Variants in ADCY2 observed in about 807,000 individuals in gnomAD.
ADCY2 encodes adenylate cyclase type 2.
ADCY2 carries 31 observed loss-of-function variants against 125.2 expected under a neutral mutation model. That is an observed-to-expected ratio of 0.25 (90% CI 0.19 to 0.33). The LOEUF is 0.33. ADCY2 is among the 10% of genes least tolerant of loss of function. ADCY2 has a pLI of 1.00. For missense variants in ADCY2, 904 were observed against 1,418.2 expected (o/e 0.64, Z 5.82); for synonymous variants, 512 against 548.4 (o/e 0.93, Z 0.93).
chr5:7,453,773 G>A (rs73046310), intron 2 of ADCY2, among the ~76,000 whole-genome samples: 5,590 of 152,170 alleles, frequency 0.037, 338 homozygotes, highest in African/African-American at 0.13. Flanking sequence ...ATGCACAGTG[G>A]CCTGCCAGCT....
At position 7,478,297 on chromosome 5, in the gene ADCY2, A is replaced by G. The variant is rs186161910; in HGVS notation, c.409-42441A>G. ...AAGGATCTGGGTTCTGCTAAAACAA[A>G]CATGTAAACTAATGTGGCCATTAAC... On this transcript the variant is annotated intron_variant, in intron 2 of 24. Transcript: ENST00000338316. Among the ~76,000 whole-genome samples the G allele has an allele frequency of 2.0e-5, 3 of 152,318 alleles. No individual in the cohort carries two copies. In the East Asian group the frequency reaches 5.8e-4, roughly 29 times the overall value.
At chr5:7,726,671 C>T (rs1213019800) in intron 13 of ADCY2, among the ~76,000 whole-genome samples, 1 of 152,166 alleles carries the variant, frequency 6.6e-6, no homozygotes, top group Non-Finnish European at 1.5e-5. Context: ...AGTCTTATAA[C>T]TTTACCCATC....
At chr5:7,732,701 A>C (rs1221408119) in intron 14 of ADCY2, among the ~76,000 whole-genome samples, 1 of 120,620 alleles carries the variant, frequency 8.3e-6, no homozygotes, top group Non-Finnish European at 1.7e-5. Context: ...TTTCTGGTAA[A>C]TTGCCTCATG....
intron 2 of ADCY2, among the ~76,000 whole-genome samples, chr5:7,466,796 A>G (rs1742136534): frequency 6.6e-6 from 1 of 152,220 alleles, no homozygotes; most frequent in African/African-American, 2.4e-5. Flanking sequence ...AATAATAGCA[A>G]GTAACAAGCA....
chr5:7,785,341 G>A (rs190439245), intron 19 of ADCY2, among the ~76,000 whole-genome samples: 6 of 152,254 alleles, frequency 3.9e-5, no homozygotes, highest in African/African-American at 9.6e-5. Context: ...CCAGCAGTCC[G>A]GGACAACTGT....
At chr5:7,470,087 G>C (rs1371674532) in intron 2 of ADCY2, among the ~76,000 whole-genome samples, 1 of 151,714 alleles carries the variant, frequency 6.6e-6, no homozygotes, top group South Asian at 2.1e-4. Flanking sequence ...CACTTATTTT[G>C]ATTAGTATTC....
chr5:7,527,302 C>T (rs1734507761), intron 3 of ADCY2, among the ~76,000 whole-genome samples: 1 of 152,190 alleles, frequency 6.6e-6, no homozygotes, highest in Non-Finnish European at 1.5e-5. Context: ...CTTATTTCAT[C>T]GTACATATAC....
chr5:7,508,710 G>A (rs73737709), intron 2 of ADCY2, among the ~76,000 whole-genome samples: 1,648 of 152,290 alleles, frequency 0.011, 30 homozygotes, highest in African/African-American at 0.038. Flanking sequence ...TTCCATGGCC[G>A]GGTGAGGAAG....
chr5:7,478,271 C>G (rs557765510), intron 2 of ADCY2, among the ~76,000 whole-genome samples: 1 of 152,120 alleles, frequency 6.6e-6, no homozygotes, highest in African/African-American at 2.4e-5. Flanking sequence ...AAAGGGTTAA[C>G]AAGGATCTGG....
At chr5:7,597,627 T>C (rs7380943) in intron 3 of ADCY2, among the ~76,000 whole-genome samples, 148,653 of 152,298 alleles carry the variant, frequency 0.98, 72,618 homozygotes, top group Non-Finnish European at 1. Flanking sequence ...AACTTTAAAA[T>C]TTAGCAGGGC....
At chr5:7,530,816 T>A (rs1734614241) in intron 3 of ADCY2, among the ~76,000 whole-genome samples, 1 of 152,082 alleles carries the variant, frequency 6.6e-6, no homozygotes, top group Non-Finnish European at 1.5e-5. Context: ...ATGCTCGTTC[T>A]CATCTCCACG....
intron 2 of ADCY2, 30 bp from the exon 3 acceptor site, chr5:7,520,708 A>T: frequency 1.2e-6 from 2 of 1,609,492 alleles, no homozygotes; most frequent in Non-Finnish European, 1.7e-6. Context: ...ATATTTGGTG[A>T]CTCTTATTGT....
intron 21 of ADCY2, among the ~76,000 whole-genome samples, chr5:7,803,663 C>G (rs1009703278): frequency 1.1e-4 from 16 of 152,236 alleles, no homozygotes; most frequent in African/African-American, 3.9e-4. Flanking sequence ...CTTTAGGTGG[C>G]CAAGGTGGGA....
At chr5:7,735,269 T>C (rs563472518) in intron 14 of ADCY2, among the ~76,000 whole-genome samples, 1 of 152,310 alleles carries the variant, frequency 6.6e-6, no homozygotes, top group South Asian at 2.1e-4. Flanking sequence ...CCATATCACC[T>C]ACAAATTAAG....
At chr5:7,658,562 A>G (rs2126690205) in intron 4 of ADCY2, among the ~76,000 whole-genome samples, 1 of 152,096 alleles carries the variant, frequency 6.6e-6, no homozygotes, top group East Asian at 1.9e-4. Flanking sequence ...TGGGACTACA[A>G]GCATGAGGCA....
intron 2 of ADCY2, among the ~76,000 whole-genome samples, chr5:7,437,791 G>C (rs1394699972): frequency 6.6e-6 from 1 of 152,220 alleles, no homozygotes; most frequent in African/African-American, 2.4e-5. Flanking sequence ...ACTTTGAACA[G>C]TATTTCTTGT....
intron 2 of ADCY2, among the ~76,000 whole-genome samples, chr5:7,478,874 C>A (rs1256385041): frequency 2.0e-5 from 3 of 152,114 alleles, no homozygotes; most frequent in African/African-American, 7.2e-5. Flanking sequence ...AGTCTGTGAT[C>A]CAGCATGAAT....
At chr5:7,684,883 C>A (rs1740463227) in intron 4 of ADCY2, among the ~76,000 whole-genome samples, 1 of 151,516 alleles carries the variant, frequency 6.6e-6, no homozygotes, top group Non-Finnish European at 1.5e-5. Flanking sequence ...CACTTGCTGT[C>A]TTATAAAAGG....
intron 2 of ADCY2, among the ~76,000 whole-genome samples, chr5:7,419,621 A>C (rs2126346154): frequency 1.3e-5 from 2 of 152,224 alleles, no homozygotes; most frequent in South Asian, 2.1e-4. Context: ...CAGGGCTCTA[A>C]GTTCCCATCA....
Sources: gnomAD v4.1 joint callset for allele counts (sites outside exome capture counted in the v4.1 genomes callset) on GRCh38, gnomAD v4.1.1 for gene constraint, MANE v1.5 for transcripts, NCBI Gene and HGNC (gene_info 2026-07-23, HGNC 2026-07-21) for gene names.